ANK3: variants seen among roughly 807,000 people sequenced by gnomAD.
ANK3 encodes the protein ankyrin 3, also known as ankyrin-3.
ANK3 carries 57 observed loss-of-function variants against 370.9 expected under a neutral mutation model. That is an observed-to-expected ratio of 0.15 (90% CI 0.12 to 0.19). ANK3 has a LOEUF of 0.19. ANK3 is among the 10% of genes least tolerant of loss of function. The pLI is 1.00. For missense variants in ANK3, 4,439 were observed against 5,302.1 expected (o/e 0.84, Z 5.06); for synonymous variants, 1,929 against 1,946.3 (o/e 0.99, Z 0.23).
chr10:60,082,863 T>C lies in ANK3; in HGVS notation c.4201-126A>G, dbSNP rs10994183. 1.9e-3 allele frequency: 2,144 copies of C among 1,141,288 alleles called. 37 individuals are homozygous for C. The African/African-American group carries it at 0.03, about 16-fold the overall frequency. The allele number at this position is 1,141,288 out of a possible 1,614,324, so 70.7% of individuals were successfully genotyped here. ...AGGCAGGAAAGGTAAAGGGAAAAGA[T>C]GATGATTACGATTATGCAGCAACCG... is the stretch of plus-strand genomic sequence containing the variant. On this transcript the variant is annotated intron_variant, in intron 33 of 43. Transcript: ENST00000280772.
chr10:60,726,829 T>C (rs2079947946), intron 1 of ANK3, among the ~76,000 whole-genome samples: 1 of 152,162 alleles, frequency 6.6e-6, no homozygotes, highest in African/African-American at 2.4e-5. Flanking sequence ...TTTTAAAAAC[T>C]TGTTTTCCTT....
chr10:60,467,485 A>AG (rs1291023521), intron 2 of ANK3, among the ~76,000 whole-genome samples: 2 of 152,192 alleles, frequency 1.3e-5, no homozygotes, highest in Non-Finnish European at 2.9e-5. Flanking sequence ...TCTTTACAGA[A>AG]GGTTTTTGAA....
chr10:60,332,331 C>T (rs1016214048), intron 1 of ANK3, among the ~76,000 whole-genome samples: 13 of 152,122 alleles, frequency 8.5e-5, no homozygotes, highest in South Asian at 2.1e-4. Context: ...TACAATGTGT[C>T]AAGAAAATAG....
At chr10:60,447,900 CT>C (rs2064492508) in intron 2 of ANK3, among the ~76,000 whole-genome samples, 1 of 152,136 alleles carries the variant, frequency 6.6e-6, no homozygotes, top group Admixed American at 6.5e-5. Flanking sequence ...TCTTTTCCTT[CT>C]CTAAAATCTT....
intron 2 of ANK3, among the ~76,000 whole-genome samples, chr10:60,560,406 G>A (rs1042478497): frequency 5.3e-5 from 8 of 152,022 alleles, no homozygotes; most frequent in South Asian, 2.1e-4. Context: ...TTTCAAGCTC[G>A]TTCACATAAT....
At chr10:60,127,306 T>C (rs1276613852) in intron 25 of ANK3, among the ~76,000 whole-genome samples, 1 of 152,188 alleles carries the variant, frequency 6.6e-6, no homozygotes, top group Non-Finnish European at 1.5e-5. Context: ...GAGGGACTTA[T>C]GCCCCTTCTA....
Position 60,708,704 on chromosome 10 carries a change from T to G in ANK3, c.57+24559A>C, listed in dbSNP as rs117611942. On this transcript the variant is annotated intron_variant, in intron 1 of 43. Coordinates refer to the ANK3 transcript ENST00000373827. ...AGAAATACCCAATTCCAGTACCCCC[T>G]AGCATTTCTGTCTCACCTAAGGGGG... Among the ~76,000 whole-genome samples the G allele has an allele frequency of 8.1e-3, 1,233 of 152,222 alleles. 5 individuals are homozygous for G. Among genetic ancestry groups the G allele is most frequent in the Non-Finnish European group, 0.014 (937 of 67,970 alleles).
chr10:60,469,159 ATG>A lies in ANK3; in HGVS notation c.96+146025_96+146026del, dbSNP rs1362845686. 2.4e-3 allele frequency among the ~76,000 whole-genome samples: 232 copies of A among 95,182 alleles called. 18 individuals carry two copies. Among genetic ancestry groups the A allele is most frequent in the Middle Eastern group, 0.015 (2 of 132 alleles). 62.4% of individuals were successfully genotyped at this position (95,182 alleles called of 152,430 possible). ...TATATATATACCACTTTTAGTATAT[ATG>A]TGTGTGTGTATATATATATATACAC... is the stretch of plus-strand genomic sequence containing the variant. On this transcript the variant is annotated intron_variant, in intron 2 of 43. Coordinates refer to the ANK3 transcript ENST00000373827.
At chr10:60,301,064 C>A (rs931429580) in intron 1 of ANK3, among the ~76,000 whole-genome samples, 10 of 149,438 alleles carry the variant, frequency 6.7e-5, no homozygotes, top group Admixed American at 6.7e-5. Flanking sequence ...AGCACTATGC[C>A]AAACTCATGT....
chr10:60,111,475 T>C (rs1480408357), intron 26 of ANK3, among the ~76,000 whole-genome samples: 1 of 152,142 alleles, frequency 6.6e-6, no homozygotes, highest in Non-Finnish European at 1.5e-5. Flanking sequence ...TTACATATTG[T>C]GTGAAAAAGT....
chr10:60,650,388 T>TAAAAAAAAAAAAAAAAAAAAAAA (rs2078772123), intron 1 of ANK3, among the ~76,000 whole-genome samples: 1 of 26,752 alleles, frequency 3.7e-5, no homozygotes. Context: ...AAAAAAAAAA[T>TAAAAAAAAAAAAAAAAAAAAAAA]TTACAAGCTC....
chr10:60,329,003 C>A (rs1315995769), intron 1 of ANK3, among the ~76,000 whole-genome samples: 1 of 152,134 alleles, frequency 6.6e-6, no homozygotes, highest in East Asian at 1.9e-4. Context: ...AAACGTAATC[C>A]ATCACATAAA....
At chr10:60,663,509 T>C (rs145460558) in intron 1 of ANK3, among the ~76,000 whole-genome samples, 1 of 66,092 alleles carries the variant, frequency 1.5e-5, no homozygotes, top group South Asian at 3.8e-4. Flanking sequence ...AAAGCAGAGG[T>C]AGTGACAGTG....
In ANK3 at chr10:60,182,593, G is replaced by A. The variant is rs183728915; in HGVS notation, c.2086-1166C>T. Among the ~76,000 whole-genome samples, 693 of 152,256 alleles carry A rather than the reference G, an allele frequency of 4.6e-3. 10 individuals carry two copies. Among genetic ancestry groups the A allele is most frequent in the Middle Eastern group, 0.014 (4 of 294 alleles). ...AGTCTTTTCTCCCCCTCTAGCATCT[G>A]TGCAATGAAAATATCAGCCTGTCCT... On this transcript the variant is annotated intron_variant, in intron 17 of 43. Coordinates refer to ENST00000280772, the MANE Select transcript of ANK3 (RefSeq NM_020987.5).
At chr10:60,394,508 G>A (rs2063175551), upstream of ANK3, among the ~76,000 whole-genome samples, 1 of 152,082 alleles carries the variant, frequency 6.6e-6, no homozygotes, top group Non-Finnish European at 1.5e-5. Flanking sequence ...CAGTGCTGGA[G>A]AGAGAGCCAG....
Position 60,407,766 on chromosome 10 carries a change from T to C in ANK3, c.97-128127A>G, listed in dbSNP as rs1676366867. Among the ~76,000 whole-genome samples, 5 of 152,236 alleles carry C rather than the reference T, an allele frequency of 3.3e-5. No homozygotes were observed. In the South Asian group the frequency reaches 1.0e-3, roughly 32 times the overall value. On this transcript the variant is annotated intron_variant, in intron 2 of 43. Transcript: ENST00000373827. Reference sequence around the variant, plus strand: ...GGCACAGATCAGATATAGCAAATTATCTGAAGACTGTCAATAAATATTATG... The same window carrying C: ...GGCACAGATCAGATATAGCAAATTACCTGAAGACTGTCAATAAATATTATG...
intron 2 of ANK3, among the ~76,000 whole-genome samples, chr10:60,426,769 G>A (rs1474477793): frequency 1.3e-5 from 2 of 152,130 alleles, no homozygotes; most frequent in African/African-American, 2.4e-5. Flanking sequence ...GCAAAAATCA[G>A]CATCTTCAAT....
At chr10:60,515,068 C>G (rs1033586408) in intron 2 of ANK3, among the ~76,000 whole-genome samples, 3 of 151,988 alleles carry the variant, frequency 2.0e-5, no homozygotes, top group Non-Finnish European at 4.4e-5. Flanking sequence ...GCTAAATAGG[C>G]TTAATAATAT....
chr10:60,148,479 C>A (rs545339335), intron 23 of ANK3, among the ~76,000 whole-genome samples: 3 of 152,130 alleles, frequency 2.0e-5, no homozygotes, highest in Non-Finnish European at 4.4e-5. Context: ...CTTTTAGCCA[C>A]AAAGAACAGA....
Sources: gnomAD v4.1 joint callset for allele counts (sites outside exome capture counted in the v4.1 genomes callset) on GRCh38, gnomAD v4.1.1 for gene constraint, MANE v1.5 for transcripts, NCBI Gene and HGNC (gene_info 2026-07-23, HGNC 2026-07-21) for gene names.